Variants in KIF20B observed in about 807,000 individuals in gnomAD.
KIF20B encodes the protein kinesin family member 20B.
Under a neutral mutation model 232.5 loss-of-function variants are expected in KIF20B, and 188 were observed. That is an observed-to-expected ratio of 0.81 (90% CI 0.72 to 0.91). KIF20B has a LOEUF of 0.91. KIF20B is among the 40% of genes least tolerant of loss of function. KIF20B has a pLI of 0.00. For synonymous variants in KIF20B, 712 were observed against 683.0 expected, an observed-to-expected ratio of 1.04 and a Z score of -0.66; for missense variants, 2,154 against 2,055.9, an observed-to-expected ratio of 1.05 and a Z score of -0.92.
intron 19 of KIF20B, among the ~76,000 whole-genome samples, chr10:89,735,127 AG>A (rs1841619288): frequency 6.6e-6 from 1 of 152,206 alleles, no homozygotes; most frequent in African/African-American, 2.4e-5. Flanking sequence ...TTAAACATAA[AG>A]TTACCATAAA....
At chr10:89,728,089 T>G (rs1278699477) in intron 17 of KIF20B, among the ~76,000 whole-genome samples, 193 bp downstream of exon 17, 3 of 152,182 alleles carry the variant, frequency 2.0e-5, no homozygotes, top group African/African-American at 7.2e-5. Flanking sequence ...CAACTTGTAT[T>G]TATCCTTTCA....
intron 19 of KIF20B, among the ~76,000 whole-genome samples, chr10:89,735,615 G>C (rs1053388846): frequency 7.5e-6 from 1 of 133,082 alleles, no homozygotes; most frequent in African/African-American, 2.9e-5. Context: ...TTGGCTCACT[G>C]TAACCTCCGT....
intron 27 of KIF20B, among the ~76,000 whole-genome samples, chr10:89,759,847 C>T (rs1362285880): frequency 2.6e-5 from 4 of 151,998 alleles, no homozygotes; most frequent in Non-Finnish European, 4.4e-5. Flanking sequence ...GGGGAGGTGA[C>T]ATAAGAGGTT....
At chr10:89,747,550 A>ATG (rs1841939995) in intron 23 of KIF20B, among the ~76,000 whole-genome samples, 9 of 148,478 alleles carry the variant, frequency 6.1e-5, no homozygotes, top group African/African-American at 2.2e-4. Context: ...GGAATACTAC[A>ATG]CAGCCATAAA....
At chr10:89,712,185 A>G (rs577382633) in intron 6 of KIF20B, among the ~76,000 whole-genome samples, 14 of 152,134 alleles carry the variant, frequency 9.2e-5, no homozygotes, top group Non-Finnish European at 2.1e-4. Context: ...GTATTAGTGT[A>G]TGGGTTGCAA....
At chr10:89,729,366 T>C in intron 18 of KIF20B, 119 bp downstream of exon 18, 2 of 993,662 alleles carry the variant, frequency 2.0e-6, no homozygotes, top group South Asian at 3.5e-5. Context: ...GTTGAATTGC[T>C]TATGCAACAT....
At chr10:89,740,503 C>T (rs570043430) in intron 21 of KIF20B, among the ~76,000 whole-genome samples, 23 of 152,140 alleles carry the variant, frequency 1.5e-4, no homozygotes, top group Non-Finnish European at 2.6e-4. Flanking sequence ...TCCTCTCTTC[C>T]ACAGAGTTTG....
At chr10:89,744,706 A>T (rs1307780649) in intron 22 of KIF20B, among the ~76,000 whole-genome samples, 5 of 149,542 alleles carry the variant, frequency 3.3e-5, no homozygotes, top group Non-Finnish European at 7.4e-5. Context: ...AGGCAACAAT[A>T]AAAAAAATAC....
chr10:89,750,885 TA>T (rs528907549), intron 23 of KIF20B, among the ~76,000 whole-genome samples: 39 of 151,938 alleles, frequency 2.6e-4, no homozygotes, highest in African/African-American at 7.5e-4. Flanking sequence ...TACTTGATGT[TA>T]AAAAAAATAG....
intron 26 of KIF20B, among the ~76,000 whole-genome samples, chr10:89,756,369 A>G (rs995644921): frequency 3.3e-5 from 5 of 152,158 alleles, no homozygotes; most frequent in Admixed American, 1.3e-4. Context: ...AGTTGCTCCA[A>G]TTCCAAACCA....
chr10:89,710,484 C>T (rs1842814831), intron 5 of KIF20B, among the ~76,000 whole-genome samples: 1 of 152,154 alleles, frequency 6.6e-6, no homozygotes, highest in African/African-American at 2.4e-5. Context: ...CCACCTTGGC[C>T]TTCCAAAGTG....
intron 6 of KIF20B, among the ~76,000 whole-genome samples, chr10:89,712,487 T>G (rs1281154620): frequency 4.6e-5 from 7 of 152,176 alleles, no homozygotes; most frequent in Non-Finnish European, 1.0e-4. Context: ...ACTCTTGGCC[T>G]CAAGAGATCC....
At chr10:89,707,321 T>C (rs1046888943) in intron 2 of KIF20B, among the ~76,000 whole-genome samples, 5 of 152,190 alleles carry the variant, frequency 3.3e-5, no homozygotes, top group African/African-American at 1.2e-4. Context: ...AGGCTCCTTG[T>C]AAGTGCTCCC....
In KIF20B at chr10:89,774,865, C is replaced by T. The variant is rs977102184; in HGVS notation, c.*817C>T. On this transcript the variant is annotated 3_prime_UTR_variant, in exon 33 of 33. Coordinates refer to ENST00000371728, the MANE Select transcript of KIF20B (RefSeq NM_001284259.2). ...CCCTTACCAGCCACTGGTAACCATT[C>T]TTCTACTCTGTATGCCCATGAGGTC... 2.0e-5 allele frequency: 3 copies of T among 152,142 alleles called. No individual in the cohort carries two copies. Among genetic ancestry groups the T allele is most frequent in the South Asian group, 4.1e-4 (2 of 4,828 alleles). The allele number at this position is 152,142 out of a possible 1,614,324, so 9.4% of individuals were successfully genotyped here. A position where few individuals can be genotyped will look rare whatever the true frequency, so the allele number is the denominator to read the frequency against.
chr10:89,715,224 C>T, intron 8 of KIF20B, 42 bp downstream of exon 8: 1 of 1,272,002 alleles, frequency 7.9e-7, no homozygotes. Flanking sequence ...CTGAAGTTCT[C>T]TTCCTGGGCT....
chr10:89,770,163 T>C (rs1842436362), intron 31 of KIF20B, among the ~76,000 whole-genome samples: 1 of 152,054 alleles, frequency 6.6e-6, no homozygotes, highest in Admixed American at 6.6e-5. Context: ...AAAAGAAATG[T>C]AATTCAGTAT....
At chr10:89,752,856 T>G (rs2133152981) in intron 25 of KIF20B, among the ~76,000 whole-genome samples, 165 bp downstream of exon 25, 1 of 152,294 alleles carries the variant, frequency 6.6e-6, no homozygotes, top group South Asian at 2.1e-4. Flanking sequence ...CACATTGAAA[T>G]GACATGGGGA....
intron 22 of KIF20B, 123 bp downstream of exon 22, chr10:89,744,050 A>G (rs1368764032): frequency 1.4e-6 from 1 of 729,222 alleles, no homozygotes. Flanking sequence ...TCTAGAAATA[A>G]ATTATTTAAA....
At chr10:89,731,045 G>T (rs1025864289) in intron 18 of KIF20B, among the ~76,000 whole-genome samples, 1 of 152,058 alleles carries the variant, frequency 6.6e-6, no homozygotes, top group Non-Finnish European at 1.5e-5. Context: ...TTGAGACTTG[G>T]GGCAGTAAAT....
Sources: gnomAD v4.1 joint callset for allele counts (sites outside exome capture counted in the v4.1 genomes callset) on GRCh38, gnomAD v4.1.1 for gene constraint, MANE v1.5 for transcripts, NCBI Gene and HGNC (gene_info 2026-07-23, HGNC 2026-07-21) for gene names.